Variants in BCL2 observed in about 807,000 individuals in gnomAD.
BCL2 encodes the protein apoptosis regulator Bcl-2.
A neutral mutation model predicts 14.2 loss-of-function variants in BCL2; 1 was observed. The observed-to-expected ratio is 0.07, with a 90% CI of 0.02 to 0.33. BCL2 has a LOEUF of 0.33. BCL2 is among the 10% of genes least tolerant of loss of function. The pLI is 0.99. For synonymous variants in BCL2, 151 were observed against 137.2 expected (o/e 1.10, Z -0.70); for missense variants, 247 against 305.9 (o/e 0.81, Z 1.44).
At chr18:63,259,827 T>C (rs1450695429) in intron 2 of BCL2, among the ~76,000 whole-genome samples, 1 of 152,234 alleles carries the variant, frequency 6.6e-6, no homozygotes, top group Non-Finnish European at 1.5e-5. Flanking sequence ...ACAGAAAGAA[T>C]AAAATGACTC....
At chr18:63,238,915 CG>C (rs1321360962) in intron 2 of BCL2, among the ~76,000 whole-genome samples, 1 of 152,136 alleles carries the variant, frequency 6.6e-6, no homozygotes, top group Non-Finnish European at 1.5e-5. Flanking sequence ...CGCTGGGAGA[CG>C]GGCTGGCATG....
At chr18:63,292,222 CAA>C (rs749093257) in intron 2 of BCL2, among the ~76,000 whole-genome samples, 118 of 56,392 alleles carry the variant, frequency 2.1e-3, no homozygotes, top group Admixed American at 4.1e-3. Flanking sequence ...AACCCCAGTG[CAA>C]AAAAAAAAAA....
At chr18:63,245,872 T>C (rs111778781) in intron 2 of BCL2, among the ~76,000 whole-genome samples, 6,087 of 152,324 alleles carry the variant, frequency 0.04, 210 homozygotes, top group African/African-American at 0.091. Context: ...AGGCAGTAGC[T>C]TGCCCAACTT....
At chr18:63,288,048 T>C (rs1365841501) in intron 2 of BCL2, among the ~76,000 whole-genome samples, 1 of 152,270 alleles carries the variant, frequency 6.6e-6, no homozygotes, top group East Asian at 1.9e-4. Context: ...GAGTTCATTT[T>C]GGACATTTTG....
intron 2 of BCL2, among the ~76,000 whole-genome samples, chr18:63,129,464 A>C (rs1914006460): frequency 6.6e-6 from 1 of 151,928 alleles, no homozygotes; most frequent in Non-Finnish European, 1.5e-5. Flanking sequence ...TTTTTTGTAG[A>C]GATAGGGTCT....
At chr18:63,265,734 A>G (rs1272323048) in intron 2 of BCL2, among the ~76,000 whole-genome samples, 2 of 152,228 alleles carry the variant, frequency 1.3e-5, no homozygotes, top group Non-Finnish European at 2.9e-5. Context: ...GACAAAGGAT[A>G]TATTTCTTTA....
chr18:63,185,032 G>A (rs1915560997), intron 2 of BCL2, among the ~76,000 whole-genome samples: 1 of 152,200 alleles, frequency 6.6e-6, no homozygotes. Flanking sequence ...CTCTGGTCCT[G>A]TCCAATTCTG....
chr18:63,126,089 T>C lies in BCL2; in HGVS notation c.*2536A>G. The C allele has an allele frequency of 4.6e-6, 1 of 216,368 alleles. No homozygotes were observed. Among genetic ancestry groups the C allele is most frequent in the Non-Finnish European group, 9.3e-6 (1 of 107,212 alleles). 13.4% of individuals were successfully genotyped at this position (216,368 alleles called of 1,614,324 possible). On this transcript the variant is annotated 3_prime_UTR_variant, in exon 3 of 3. Transcript: ENST00000333681. Reference sequence around the variant, plus strand: ...CTCCATTAAAATGATTTTGGCAGGATAGCAGCACAGGATTGGATATTCCAT... The same window carrying C: ...CTCCATTAAAATGATTTTGGCAGGACAGCAGCACAGGATTGGATATTCCAT...
chr18:63,208,272 C>T (rs1909898209), intron 2 of BCL2: 1 of 152,200 alleles, frequency 6.6e-6, no homozygotes, highest in South Asian at 2.1e-4. Flanking sequence ...ACAAGGCAAT[C>T]TTTTGTTTAT....
At chr18:63,163,380 CA>C (rs1333711661) in intron 2 of BCL2, among the ~76,000 whole-genome samples, 1 of 152,086 alleles carries the variant, frequency 6.6e-6, no homozygotes, top group Non-Finnish European at 1.5e-5. Flanking sequence ...TTATATTTTC[CA>C]ATATTGTTTG....
Position 63,283,658 on chromosome 18 carries a change from G to C in BCL2, c.585+34424C>G, listed in dbSNP as rs147885848. ...CCAACCCAGAACCACACGCAGAAGA[G>C]TGCAGGGCCTCGAGGTCTGTTATCT... is the stretch of plus-strand genomic sequence containing the variant. On this transcript the variant is annotated intron_variant, in intron 2 of 2. Transcript: ENST00000333681. Among the ~76,000 whole-genome samples the C allele has an allele frequency of 4.9e-3, 752 of 152,314 alleles. 3 individuals carry two copies. The highest frequency in any genetic ancestry group is 0.016 in the African/African-American group (677 of 41,562).
At chr18:63,164,439 G>A (rs941163059) in intron 2 of BCL2, among the ~76,000 whole-genome samples, 5 of 152,206 alleles carry the variant, frequency 3.3e-5, no homozygotes, top group African/African-American at 4.8e-5. Flanking sequence ...TCATCCTGGT[G>A]GTCAAATCAC....
intron 2 of BCL2, among the ~76,000 whole-genome samples, chr18:63,169,387 C>CTT (rs768707055): frequency 1.5e-5 from 1 of 65,538 alleles, no homozygotes; most frequent in African/African-American, 8.3e-5. Context: ...TTCTTTCTTT[C>CTT]TTTTTCTTTC....
intron 2 of BCL2, among the ~76,000 whole-genome samples, chr18:63,162,686 C>T (rs1428226454): frequency 6.6e-6 from 1 of 152,150 alleles, no homozygotes; most frequent in Non-Finnish European, 1.5e-5. Context: ...CATCTATGCT[C>T]TTGGCACAAT....
At chr18:63,223,376 G>A (rs921136260) in intron 2 of BCL2, among the ~76,000 whole-genome samples, 4 of 150,248 alleles carry the variant, frequency 2.7e-5, no homozygotes, top group Non-Finnish European at 4.4e-5. Flanking sequence ...CTCCAGCCTG[G>A]GCGACAGAGC....
chr18:63,239,924 G>A lies in BCL2; in HGVS notation c.585+78158C>T, dbSNP rs9961642. Among the ~76,000 whole-genome samples the A allele has an allele frequency of 1.6e-3, 244 of 152,308 alleles. 1 individual carries two copies. Among genetic ancestry groups the A allele is most frequent in the African/African-American group, 5.1e-3 (214 of 41,564 alleles). ...TCACACTCGCATGCATTGTGGAGAA[G>A]AGAGAGATGTAATTGTCACTGAGTC... is the stretch of plus-strand genomic sequence containing the variant. On this transcript the variant is annotated intron_variant, in intron 2 of 2. Coordinates refer to ENST00000333681, the MANE Select transcript of BCL2 (RefSeq NM_000633.3).
intron 2 of BCL2, among the ~76,000 whole-genome samples, chr18:63,174,478 C>T (rs773772058): frequency 6.6e-6 from 1 of 151,990 alleles, no homozygotes; most frequent in Admixed American, 6.6e-5. Context: ...TCATACTTGT[C>T]TTTTCTGAGA....
chr18:63,248,893 C>T (rs954078409), intron 2 of BCL2, among the ~76,000 whole-genome samples: 8 of 152,192 alleles, frequency 5.3e-5, no homozygotes, highest in African/African-American at 1.9e-4. Context: ...GTACCTCATT[C>T]TTGGTTTAAA....
rs2144322796 is a variant in BCL2, at chr18:63,318,306, G to A, written c.361C>T (p.Leu121=). The A allele has an allele frequency of 6.2e-7, 1 of 1,614,114 alleles. No individual in the cohort carries two copies. Among genetic ancestry groups the A allele is most frequent in the Non-Finnish European group, 8.5e-7 (1 of 1,179,982 alleles). The change falls in exon 2 of 3, where the codon CTG becomes TTG. Residue 121 remains leucine (L), a synonymous_variant. Transcript: ENST00000333681. This position sits in a 1 kb window ranked among gnomAD's most constrained non-coding sequence, Gnocchi z 7.4. ...DFAEMSSQLH[L]TPFTARGRFA... The stretch of plus-strand genomic sequence containing the variant: ...CGTCCCCGCGCGGTGAAGGGCGTCA[G>A]GTGCAGCTGGCTGGACATCTCGGCG...
Sources: gnomAD v4.1 joint callset for allele counts (sites outside exome capture counted in the v4.1 genomes callset) on GRCh38, gnomAD v4.1.1 for gene constraint, Gnocchi (gnomAD v3.1) non-coding constraint, MANE v1.5 for transcripts, NCBI Gene and HGNC (gene_info 2026-07-23, HGNC 2026-07-21) for gene names.